COL6A3: variants seen among roughly 807,000 people sequenced by gnomAD.
COL6A3 encodes collagen type VI alpha 3 chain.
A neutral mutation model predicts 274.1 loss-of-function variants in COL6A3; 137 were observed. The observed-to-expected ratio is 0.50, with a 90% CI of 0.44 to 0.58. The LOEUF is 0.58. COL6A3 is among the 20% of genes least tolerant of loss of function. The pLI, the probability that COL6A3 is intolerant of heterozygous loss-of-function variation, is 0.00. For synonymous variants in COL6A3, 1,650 were observed against 1,650.6 expected, an observed-to-expected ratio of 1.00 and a Z score of 0.01; for missense variants, 3,950 against 4,124.9, an observed-to-expected ratio of 0.96 and a Z score of 1.16.
chr2:237,332,105 A>ATT (rs1700283516), intron 42 of COL6A3, among the ~76,000 whole-genome samples: 1 of 38,252 alleles, frequency 2.6e-5, no homozygotes, highest in South Asian at 8.1e-4. Context: ...ATATATATAT[A>ATT]TATATATATA....
At chr2:237,342,531 G>A (rs1343463493) in intron 36 of COL6A3, 8 of 262,810 alleles carry the variant, frequency 3.0e-5, no homozygotes, top group Admixed American at 9.4e-5. Context: ...GTTATTTTTA[G>A]CAACAATATG....
chr2:237,335,804 T>C (rs963585059), intron 40 of COL6A3, among the ~76,000 whole-genome samples: 3 of 152,238 alleles, frequency 2.0e-5, no homozygotes, highest in Admixed American at 1.3e-4. Flanking sequence ...TCTCACTCCC[T>C]AAATAGGAGC....
At chr2:237,403,089 G>C (rs1439809551) in intron 1 of COL6A3, among the ~76,000 whole-genome samples, 1 of 152,200 alleles carries the variant, frequency 6.6e-6, no homozygotes, top group African/African-American at 2.4e-5. Flanking sequence ...GAGAGCCACA[G>C]AGAGTGATTG....
intron 3 of COL6A3, among the ~76,000 whole-genome samples, chr2:237,390,382 C>T (rs528566792): frequency 4.6e-4 from 70 of 152,302 alleles, no homozygotes; most frequent in African/African-American, 1.6e-3. Flanking sequence ...TCCTCTTACA[C>T]ACACAATAAT....
Position 237,346,437 on chromosome 2 carries a change from T to C in COL6A3, c.7092+66A>G, listed in dbSNP as rs569906231. 64 of 1,434,534 alleles carry C rather than the reference T, an allele frequency of 4.5e-5. No individual in the cohort carries two copies. The African/African-American group carries it at 8.9e-4, about 20-fold the overall frequency. 88.9% of individuals were successfully genotyped at this position (1,434,534 alleles called of 1,614,324 possible). On this transcript the variant is annotated intron_variant, in intron 32 of 43. Coordinates refer to ENST00000295550, the MANE Select transcript of COL6A3 (RefSeq NM_004369.4). ...TGTGAGCAAAGCAGATGGTGGGAAG[T>C]TTTCAGGGACCACGTGTAAAGCACC... is the stretch of plus-strand genomic sequence containing the variant.
chr2:237,354,773 T>C, intron 24 of COL6A3, 126 bp downstream of exon 24: 1 of 811,652 alleles, frequency 1.2e-6, no homozygotes, highest in African/African-American at 1.7e-5. Context: ...GAAATCAACT[T>C]TCTAAATTGA....
At chr2:237,346,636 A>C (rs1422678338) in intron 31 of COL6A3, 71 bp from the exon 32 acceptor site, 14 of 1,415,264 alleles carry the variant, frequency 9.9e-6, no homozygotes, top group African/African-American at 1.4e-5. Flanking sequence ...TATAGTTGGA[A>C]GGTACGGTAA....
chr2:237,380,987 G>T lies in COL6A3; in HGVS notation c.1825C>A (p.Arg609=), dbSNP rs755382829. The T allele has an allele frequency of 6.2e-7, 1 of 1,614,192 alleles. No individual in the cohort carries two copies. Among genetic ancestry groups the T allele is most frequent in the Non-Finnish European group, 8.5e-7 (1 of 1,180,036 alleles). ...SSLVFIPAEF[R]AAPLQGMLPG... is the part of the protein sequence containing the mutation. ...AGCATGCCTTGCAATGGGGCGGCTC[G>T]GAACTCAGCTGGGATGAACACCAGG... is the stretch of plus-strand genomic sequence containing the variant. The change falls in exon 5 of 44, where the codon CGA becomes AGA. Residue 609 remains arginine, a synonymous_variant. Transcript: ENST00000295550.
At chr2:237,340,261 C>T (rs777479360) in intron 38 of COL6A3, among the ~76,000 whole-genome samples, 191 bp downstream of exon 38, 32 of 152,240 alleles carry the variant, frequency 2.1e-4, no homozygotes, top group South Asian at 6.2e-4. Context: ...AGGATACTGT[C>T]TGCATGTTCC....
intron 26 of COL6A3, 25 bp downstream of exon 26, chr2:237,352,497 G>C (rs1435907088): frequency 1.2e-6 from 2 of 1,604,758 alleles, no homozygotes; most frequent in East Asian, 4.5e-5. Flanking sequence ...AGCTAGAGAG[G>C]GGGCTGGTAT....
At chr2:237,404,763 T>G (rs2078680000) in intron 1 of COL6A3, among the ~76,000 whole-genome samples, 1 of 152,204 alleles carries the variant, frequency 6.6e-6, no homozygotes, top group Non-Finnish European at 1.5e-5. Flanking sequence ...GGGCTCACTC[T>G]GGAGCAATTC....
chr2:237,361,672 C>G lies in COL6A3; in HGVS notation c.6156+67G>C. The G allele has an allele frequency of 7.4e-7, 1 of 1,355,664 alleles. No homozygotes were observed. Among genetic ancestry groups the G allele is most frequent in the Non-Finnish European group, 1.1e-6 (1 of 944,148 alleles). 84.0% of individuals were successfully genotyped at this position (1,355,664 alleles called of 1,614,324 possible). A position where few individuals can be genotyped will look rare whatever the true frequency, so the allele number is the denominator to read the frequency against. On this transcript the variant is annotated intron_variant, in intron 15 of 43. Coordinates refer to ENST00000295550, the MANE Select transcript of COL6A3 (RefSeq NM_004369.4). The surrounding 1 kb of genome is among the most constrained non-coding windows in gnomAD (Gnocchi z 5.1). Reference sequence around the variant, plus strand: ...CACACTCTTCTGTTAGAGAAATTACCCCACCAAAGTAATGTCGGGCTTCTG... The same window carrying G: ...CACACTCTTCTGTTAGAGAAATTACGCCACCAAAGTAATGTCGGGCTTCTG...
intron 1 of COL6A3, among the ~76,000 whole-genome samples, chr2:237,405,790 C>G (rs1384889298): frequency 6.6e-6 from 1 of 152,122 alleles, no homozygotes; most frequent in Non-Finnish European, 1.5e-5. Flanking sequence ...CAAGGAAACT[C>G]CCCATGCCTT....
Position 237,369,190 on chromosome 2 carries a change from G to T in COL6A3, c.4286-13C>A. The stretch of plus-strand genomic sequence containing the variant: ...TCACTCTCAACTGCTGCAGATCAAA[G>T]AAGAAAAAGGGAAACATTCAGTGTG... On this transcript the variant is annotated splice_polypyrimidine_tract_variant and intron_variant, in intron 9 of 43. Coordinates refer to ENST00000295550, the MANE Select transcript of COL6A3 (RefSeq NM_004369.4). 1 of 1,606,288 alleles carries T rather than the reference G, an allele frequency of 6.2e-7. No homozygotes were observed.
At chr2:237,357,560 C>T (rs2077345773) in intron 22 of COL6A3, among the ~76,000 whole-genome samples, 169 bp from the exon 23 acceptor site, 1 of 152,222 alleles carries the variant, frequency 6.6e-6, no homozygotes, top group Admixed American at 6.5e-5. Context: ...ACACTCCCAC[C>T]TCTACAAGCC....
chr2:237,414,141 C>A lies in COL6A3; in HGVS notation c.-219G>T, dbSNP rs1223775393. On this transcript the variant is annotated 5_prime_UTR_variant, in exon 1 of 44. Coordinates refer to ENST00000295550, the MANE Select transcript of COL6A3 (RefSeq NM_004369.4). The stretch of plus-strand genomic sequence containing the variant: ...TGCAGGAGGCTGGAGCCCAGGAGAA[C>A]TGAACGGCCTTTGGTGGAAGACTGA... 1 of 152,226 alleles carries A rather than the reference C, an allele frequency of 6.6e-6. No homozygotes were observed. The highest frequency in any genetic ancestry group is 1.5e-5 in the Non-Finnish European group (1 of 68,066). 9.4% of individuals were successfully genotyped at this position (152,226 alleles called of 1,614,324 possible).
chr2:237,411,516 C>G (rs533753401), intron 1 of COL6A3, among the ~76,000 whole-genome samples: 4 of 152,180 alleles, frequency 2.6e-5, no homozygotes, highest in African/African-American at 4.8e-5. Flanking sequence ...TGGCTTTAGG[C>G]ATCCAGGTCT....
chr2:237,324,573 G>C lies in COL6A3; in HGVS notation c.*201C>G. On this transcript the variant is annotated 3_prime_UTR_variant, in exon 44 of 44. Coordinates refer to ENST00000295550, the MANE Select transcript of COL6A3 (RefSeq NM_004369.4). The stretch of plus-strand genomic sequence containing the variant: ...AAAGTATTCGAGAGAACTGCCTGGA[G>C]ACAGAGAGCGAGGGTCCACAGACAC... 1.7e-6 allele frequency: 1 copy of C among 591,336 alleles called. No homozygotes were observed. Among genetic ancestry groups the C allele is most frequent in the Non-Finnish European group, 3.1e-6 (1 of 324,794 alleles). 36.6% of individuals were successfully genotyped at this position (591,336 alleles called of 1,614,324 possible). A position where few individuals can be genotyped will look rare whatever the true frequency, so the allele number is the denominator to read the frequency against.
At position 237,374,548 on chromosome 2, in the gene COL6A3, G is replaced by A. The variant is rs2077780552; in HGVS notation, c.3543C>T (p.Ile1181=). ...DITEMQTISF[I]PDFAVAIPTF... ...TGGGAATGGCCACGGCAAAGTCCGG[G>A]ATGAAGGAGATGGTCTGCATCTCTG... The change falls in exon 8 of 44, where the codon ATC becomes ATT. Residue 1181 remains isoleucine, a synonymous_variant. Transcript: ENST00000295550. This position sits in a 1 kb window ranked among gnomAD's most constrained non-coding sequence, Gnocchi z 4.8. 6.2e-7 allele frequency: 1 copy of A among 1,614,100 alleles called. No individual in the cohort carries two copies. Among genetic ancestry groups the A allele is most frequent in the African/African-American group, 1.3e-5 (1 of 74,938 alleles).
Sources: allele counts gnomAD v4.1 joint callset (sites outside exome capture counted in the v4.1 genomes callset), GRCh38; gene constraint gnomAD v4.1.1; non-coding constraint Gnocchi (gnomAD v3.1); transcripts MANE v1.5; gene names NCBI Gene and HGNC (gene_info 2026-07-23, HGNC 2026-07-21).